The following PSG3 variants were observed in gnomAD, a reference collection of about 807,000 sequenced individuals.
The protein encoded by PSG3 is pregnancy specific beta-1-glycoprotein 3, also known as pregnancy-specific beta-1-glycoprotein 3.
PSG3 carries 61 observed loss-of-function variants against 47.5 expected under a neutral mutation model. The ratio of observed to expected loss-of-function variants is 1.28; its 90% CI spans 1.05 to 1.59. PSG3 has a LOEUF of 1.59. Among genes scored for constraint, PSG3 ranks in the 40% most tolerant of loss-of-function variants. The pLI is 0.00. For synonymous variants in PSG3, 263 were observed against 198.4 expected, an observed-to-expected ratio of 1.33 and a Z score of -2.74; for missense variants, 756 against 524.0, an observed-to-expected ratio of 1.44 and a Z score of -4.32.
At chr19:42,738,166 A>C (rs1969597596) in intron 2 of PSG3, among the ~76,000 whole-genome samples, 1 of 152,224 alleles carries the variant, frequency 6.6e-6, no homozygotes, top group African/African-American at 2.4e-5. Flanking sequence ...GTCCTTGCCC[A>C]GATGAGGCTC....
chr19:42,725,223 C>T (rs1167521546), intron 5 of PSG3, among the ~76,000 whole-genome samples: 6 of 152,144 alleles, frequency 3.9e-5, no homozygotes, highest in Non-Finnish European at 8.8e-5. Flanking sequence ...AGAAAGCACT[C>T]TTATTGCAGT....
At chr19:42,737,865 C>G (rs1048896707) in intron 2 of PSG3, among the ~76,000 whole-genome samples, 4 of 152,184 alleles carry the variant, frequency 2.6e-5, no homozygotes, top group African/African-American at 9.7e-5. Context: ...GCTTTTCATG[C>G]TATCTGTGAA....
chr19:42,740,206 C>G lies in PSG3; in HGVS notation c.64+115G>C, dbSNP rs1055644713. ...TGATCTCGTGATCCACCCTCCTCAGCCTCCCTAAGTGCTGGCTTCTTTTAT... is the reference window on the plus strand; with the variant it reads ...TGATCTCGTGATCCACCCTCCTCAGGCTCCCTAAGTGCTGGCTTCTTTTAT... On this transcript the variant is annotated intron_variant, in intron 1 of 6. Coordinates refer to ENST00000327495, the MANE Select transcript of PSG3 (RefSeq NM_021016.4). The G allele has an allele frequency of 1.0e-5, 16 of 1,595,570 alleles. No homozygotes were observed. In the African/African-American group the frequency reaches 2.0e-4, roughly 20 times the overall value.
At chr19:42,737,966 G>A (rs1156644031) in intron 2 of PSG3, among the ~76,000 whole-genome samples, 1 of 152,216 alleles carries the variant, frequency 6.6e-6, no homozygotes, top group African/African-American at 2.4e-5. Context: ...TTGCTTCCAT[G>A]AGAAAGCACC....
chr19:42,727,329 C>T (rs61542360), intron 5 of PSG3, among the ~76,000 whole-genome samples: 2,194 of 152,094 alleles, frequency 0.014, 58 homozygotes, highest in African/African-American at 0.051. Context: ...AAGCAACCCA[C>T]GAAATGATAA....
intron 2 of PSG3, among the ~76,000 whole-genome samples, chr19:42,737,503 TG>T (rs1969585334): frequency 6.6e-6 from 1 of 152,094 alleles, no homozygotes; most frequent in Admixed American, 6.6e-5. Flanking sequence ...GGTTCAGTGA[TG>T]GTGGTTAAGA....
chr19:42,728,951 AAGG>A lies in PSG3; in HGVS notation c.1243+169_1243+171del, dbSNP rs565488443. Among the ~76,000 whole-genome samples the A allele has an allele frequency of 2.7e-3, 415 of 152,272 alleles. 6 individuals carry two copies. The highest frequency in any genetic ancestry group is 9.4e-3 in the African/African-American group (390 of 41,554). On this transcript the variant is annotated intron_variant, in intron 5 of 6. Coordinates refer to ENST00000327495, the MANE Select transcript of PSG3 (RefSeq NM_021016.4). ...GTCAGCCATGAGAAAACAGAAAAAC[AAGG>A]AGAAGAGAGTCTGTAGAGACAAATT...
intron 5 of PSG3, among the ~76,000 whole-genome samples, chr19:42,725,045 C>G (rs1363240816): frequency 6.6e-6 from 1 of 152,146 alleles, no homozygotes; most frequent in African/African-American, 2.4e-5. Flanking sequence ...TGGTGTAAAA[C>G]TTTCCTGGTG....
intron 1 of PSG3, among the ~76,000 whole-genome samples, chr19:42,739,979 G>T (rs1250899033): frequency 6.7e-6 from 1 of 150,176 alleles, no homozygotes; most frequent in Admixed American, 6.6e-5. Context: ...TTGAGACGGA[G>T]TCTTGTACTG....
At chr19:42,726,874 T>C (rs1292049243) in intron 5 of PSG3, among the ~76,000 whole-genome samples, 1 of 152,218 alleles carries the variant, frequency 6.6e-6, no homozygotes, top group South Asian at 2.1e-4. Context: ...CACTTCCTGA[T>C]TTCAGCATTT....
intron 2 of PSG3, among the ~76,000 whole-genome samples, chr19:42,736,611 T>C (rs1201365292): frequency 1.9e-5 from 2 of 106,474 alleles, no homozygotes; most frequent in African/African-American, 6.6e-5. Flanking sequence ...TTTCAATACA[T>C]TTGTGTGTGT....
Position 42,735,646 on chromosome 19 carries a change from C to T in PSG3, c.431-2584G>A, listed in dbSNP as rs376944950. ...AAAGTCCTGGGATTATAGGCATGAG[C>T]CACTGTGCCCAGCCATCTCTGAGGG... On this transcript the variant is annotated intron_variant, in intron 2 of 6. Coordinates refer to ENST00000327495, the MANE Select transcript of PSG3 (RefSeq NM_021016.4). Among the ~76,000 whole-genome samples, 7 of 152,308 alleles carry T rather than the reference C, an allele frequency of 4.6e-5. No individual in the cohort carries two copies. The East Asian group carries it at 9.6e-4, about 21-fold the overall frequency.
Position 42,739,076 on chromosome 19 carries a change from G to C in PSG3, c.78C>G (p.Asn26Lys). Residue 26 changes from asparagine to lysine, a missense_variant, in exon 2 of 7, where the codon AAC becomes AAG. By Grantham distance (94) the Asn-to-Lys change is moderately conservative. Coordinates refer to ENST00000327495, the MANE Select transcript of PSG3 (RefSeq NM_021016.4). ...GGGCAGTGGTAGGCAAGTTCCAGAA[G>C]TTTAAAAGTAATGCTAGGAGGTGGA... ...KGLLLTALLL[N>K]FWNLPTTAQV... 3 of 1,603,654 alleles carry C rather than the reference G, an allele frequency of 1.9e-6. No individual in the cohort carries two copies. The highest frequency in any genetic ancestry group is 2.6e-6 in the Non-Finnish European group (3 of 1,171,606).
chr19:42,734,838 T>A (rs188476670), intron 2 of PSG3, among the ~76,000 whole-genome samples: 1 of 152,334 alleles, frequency 6.6e-6, no homozygotes, highest in Admixed American at 6.5e-5. Context: ...CTGCTTCTAA[T>A]TTCTGTGCAG....
intron 2 of PSG3, chr19:42,733,535 T>C (rs1969511732): frequency 5.8e-6 from 1 of 171,790 alleles, no homozygotes; most frequent in African/African-American, 2.4e-5. Context: ...TTAAACCCTT[T>C]GGATACTGGA....
Position 42,729,158 on chromosome 19 carries a change from A to G in PSG3, c.1208T>C (p.Met403Thr), listed in dbSNP as rs17405169. ...ACSVRNSATG[M>T]ESSKSMTVKV... is the part of the protein sequence containing the mutation. Reference sequence around the variant, plus strand: ...GACTGTCATGGATTTGGAGCTTTCCATGCCAGTGGCTGAGTTACGAACAGA... The same window carrying G: ...GACTGTCATGGATTTGGAGCTTTCCGTGCCAGTGGCTGAGTTACGAACAGA... The change falls in exon 5 of 7, where the codon ATG (methionine) becomes ACG (threonine). Residue 403 changes from methionine to threonine, a missense_variant. Met to Thr is a moderately conservative substitution (Grantham distance 81). Coordinates refer to ENST00000327495, the MANE Select transcript of PSG3 (RefSeq NM_021016.4). The G allele has an allele frequency of 1.2e-6, 2 of 1,614,006 alleles. No individual in the cohort carries two copies. The highest frequency in any genetic ancestry group is 1.7e-6 in the Non-Finnish European group (2 of 1,179,868).
At position 42,729,944 on chromosome 19, in the gene PSG3, C is replaced by T. The variant is rs751920450; in HGVS notation, c.822G>A (p.Trp274Ter). Residue 274 changes from tryptophan (W) to a stop codon, truncating the protein, a stop_gained, in exon 4 of 7, where the codon TGG (tryptophan) becomes TGA (stop). Coordinates refer to ENST00000327495, the MANE Select transcript of PSG3 (RefSeq NM_021016.4). LOFTEE classifies it high-confidence loss of function. The stretch of plus-strand genomic sequence containing the variant: ...TGACCGGGAGGCTCTGACCATTTAG[C>T]CACCAAATGTAGGTGTAGTTCTCAC... ...PKSENYTYIW[W>*]LNGQSLPVSP... 24 of 1,612,014 alleles carry T rather than the reference C, an allele frequency of 1.5e-5. No homozygotes were observed. The Admixed American group carries it at 3.7e-4, about 25-fold the overall frequency.
At chr19:42,736,560 G>C (rs1254761907) in intron 2 of PSG3, among the ~76,000 whole-genome samples, 3 of 151,898 alleles carry the variant, frequency 2.0e-5, no homozygotes, top group Non-Finnish European at 4.4e-5. Context: ...CTGTTTGGCA[G>C]ACTTGGAGTC....
chr19:42,737,221 G>C (rs1176016364), intron 2 of PSG3, among the ~76,000 whole-genome samples: 1 of 152,138 alleles, frequency 6.6e-6, no homozygotes. Flanking sequence ...AGAGGTAGTG[G>C]GGGGATGAAA....
Sources: allele counts gnomAD v4.1 joint callset (sites outside exome capture counted in the v4.1 genomes callset), GRCh38; gene constraint gnomAD v4.1.1; transcripts MANE v1.5; gene names NCBI Gene and HGNC (gene_info 2026-07-23, HGNC 2026-07-21).